USH2A: variants seen among roughly 807,000 people sequenced by gnomAD.
USH2A encodes the protein usherin, also known as Usher syndrome 2A (autosomal recessive, mild).
In USH2A, 443 loss-of-function variants were observed where a neutral mutation model predicts 538.9. The ratio of observed to expected loss-of-function variants is 0.82; its 90% confidence interval spans 0.76 to 0.89. The LOEUF is 0.89. Among genes scored for constraint, USH2A ranks in the 40% least tolerant of loss-of-function variants. The pLI is 0.00. For synonymous variants in USH2A, 2,413 were observed against 2,273.5 expected (o/e 1.06, Z -1.75); for missense variants, 6,633 against 6,324.8 (o/e 1.05, Z -1.65).
chr1:216,210,638 C>T (rs546707171), intron 15 of USH2A, among the ~76,000 whole-genome samples: 1 of 152,208 alleles, frequency 6.6e-6, no homozygotes, highest in Admixed American at 6.5e-5. Flanking sequence ...ATGACAGTCT[C>T]AAATAGTAAC....
At chr1:216,296,188 A>G (rs1384722697) in intron 9 of USH2A, among the ~76,000 whole-genome samples, 1 of 152,110 alleles carries the variant, frequency 6.6e-6, no homozygotes, top group Non-Finnish European at 1.5e-5. Context: ...CACACTGTTT[A>G]TATCAGGTAG....
chr1:216,083,499 A>C lies in USH2A; in HGVS notation c.5255T>G (p.Leu1752Trp), dbSNP rs1469348824. The change falls in exon 26 of 72, where the codon TTG becomes TGG. Residue 1752 changes from leucine to tryptophan, a missense_variant. Leu to Trp is a moderately conservative substitution (Grantham distance 61, BLOSUM62 -2). Coordinates refer to ENST00000307340, the MANE Select transcript of USH2A (RefSeq NM_206933.4). ...FKFRTDQLNG[L>W]LLFVYNKDGP... Reference sequence around the variant, plus strand: ...ATCTTTGTTATAAACGAAAAGAAGCAATCCATTTAATTGGTCAGTTCTGAA... The same window carrying C: ...ATCTTTGTTATAAACGAAAAGAAGCCATCCATTTAATTGGTCAGTTCTGAA... 1 of 1,612,616 alleles carries C rather than the reference A, an allele frequency of 6.2e-7. No individual in the cohort carries two copies. The highest frequency in any genetic ancestry group is 8.5e-7 in the Non-Finnish European group (1 of 1,179,208).
chr1:215,801,424 T>A (rs545648787), intron 49 of USH2A, among the ~76,000 whole-genome samples: 22 of 146,806 alleles, frequency 1.5e-4, no homozygotes, highest in African/African-American at 5.5e-4. Flanking sequence ...TTACAACTAA[T>A]AAACAATTCA....
intron 37 of USH2A, among the ~76,000 whole-genome samples, chr1:215,937,985 A>G (rs1215310137): frequency 6.6e-6 from 1 of 152,134 alleles, no homozygotes; most frequent in East Asian, 1.9e-4. Context: ...GGGGAGATAT[A>G]TAAGTAGCAC....
intron 37 of USH2A, among the ~76,000 whole-genome samples, chr1:215,958,403 T>C (rs1183161236): frequency 6.6e-6 from 1 of 152,168 alleles, no homozygotes; most frequent in Non-Finnish European, 1.5e-5. Flanking sequence ...TAGTTAAAAA[T>C]ACACTTTCAT....
At chr1:215,710,567 A>G (rs1006754775) in intron 61 of USH2A, among the ~76,000 whole-genome samples, 5 of 152,140 alleles carry the variant, frequency 3.3e-5, no homozygotes, top group African/African-American at 1.2e-4. Flanking sequence ...CGCTCTCCTC[A>G]TGGAAAGGAA....
At chr1:216,136,670 G>A (rs1267747846) in intron 21 of USH2A, among the ~76,000 whole-genome samples, 1 of 152,134 alleles carries the variant, frequency 6.6e-6, no homozygotes, top group African/African-American at 2.4e-5. Flanking sequence ...AAATTAAAAT[G>A]AAGTCACAAT....
intron 32 of USH2A, among the ~76,000 whole-genome samples, chr1:216,027,177 A>T (rs1668986540): frequency 6.6e-6 from 1 of 152,176 alleles, no homozygotes; most frequent in Non-Finnish European, 1.5e-5. Context: ...AATTAAGTCA[A>T]AATAAGGCCA....
intron 37 of USH2A, among the ~76,000 whole-genome samples, chr1:215,959,563 TA>T (rs1571847671): frequency 1.3e-5 from 2 of 152,250 alleles, no homozygotes; most frequent in East Asian, 3.9e-4. Context: ...GTTTCAACAT[TA>T]AAAACTGATC....
chr1:215,658,399 T>C (rs996755035), intron 64 of USH2A, among the ~76,000 whole-genome samples: 2 of 152,128 alleles, frequency 1.3e-5, no homozygotes, highest in African/African-American at 4.8e-5. Flanking sequence ...TAATTTTGCA[T>C]TTTTCCTCTC....
At chr1:216,014,463 AT>A (rs1558212546) in intron 32 of USH2A, among the ~76,000 whole-genome samples, 1 of 152,184 alleles carries the variant, frequency 6.6e-6, no homozygotes, top group Non-Finnish European at 1.5e-5. Context: ...ATATGTCTCT[AT>A]AGATGTGATT....
intron 4 of USH2A, among the ~76,000 whole-genome samples, chr1:216,353,388 C>T (rs566078571): frequency 5.9e-5 from 9 of 151,374 alleles, no homozygotes; most frequent in Non-Finnish European, 1.3e-4. Flanking sequence ...ATTAGTGAAA[C>T]AAGATCCAAT....
At chr1:216,145,829 C>A (rs1026773031) in intron 21 of USH2A, among the ~76,000 whole-genome samples, 4 of 151,962 alleles carry the variant, frequency 2.6e-5, no homozygotes, top group Non-Finnish European at 5.9e-5. Flanking sequence ...TCAAAAAGCA[C>A]CCCCACTGAG....
chr1:215,887,873 A>G (rs1665104955), intron 41 of USH2A, among the ~76,000 whole-genome samples: 1 of 152,222 alleles, frequency 6.6e-6, no homozygotes, highest in Admixed American at 6.5e-5. Flanking sequence ...CTGTTTGGTT[A>G]CACTAATTTC....
chr1:215,755,791 G>C (rs1394304819), intron 58 of USH2A, among the ~76,000 whole-genome samples: 3 of 152,184 alleles, frequency 2.0e-5, no homozygotes, highest in Non-Finnish European at 2.9e-5. Context: ...TGAGGTATGT[G>C]AGAGTTAAGG....
In USH2A at chr1:215,840,567, G is replaced by T. The variant is rs545710184; in HGVS notation, c.9259-2464C>A. On this transcript the variant is annotated intron_variant, in intron 46 of 71. Coordinates refer to ENST00000307340, the MANE Select transcript of USH2A (RefSeq NM_206933.4). ...AGAAGAGGAGGCTTTATACCTACTGGCTTGAGTTATTTATACCTGACTCAA... is the reference window on the plus strand; with the variant it reads ...AGAAGAGGAGGCTTTATACCTACTGTCTTGAGTTATTTATACCTGACTCAA... 2.0e-5 allele frequency among the ~76,000 whole-genome samples: 3 copies of T among 152,210 alleles called. No homozygotes were observed. In the South Asian group the frequency reaches 6.2e-4, roughly 32 times the overall value.
At chr1:216,090,951 A>T (rs1197278852) in intron 22 of USH2A, among the ~76,000 whole-genome samples, 2 of 152,154 alleles carry the variant, frequency 1.3e-5, no homozygotes, top group Non-Finnish European at 2.9e-5. Context: ...CAGGTGTCTG[A>T]ATAAGTGGTT....
At chr1:215,736,919 A>T (rs1660170669) in intron 60 of USH2A, among the ~76,000 whole-genome samples, 1 of 152,032 alleles carries the variant, frequency 6.6e-6, no homozygotes. Flanking sequence ...TTTTAAATGC[A>T]TATGGTCTAG....
At chr1:215,962,010 C>T (rs1667213011) in intron 37 of USH2A, among the ~76,000 whole-genome samples, 1 of 151,760 alleles carries the variant, frequency 6.6e-6, no homozygotes, top group Admixed American at 6.6e-5. Flanking sequence ...GCAAAAGATA[C>T]AAATGAAGCA....
Sources: allele counts gnomAD v4.1 joint callset (sites outside exome capture counted in the v4.1 genomes callset), GRCh38; gene constraint gnomAD v4.1.1; transcripts MANE v1.5; gene names NCBI Gene and HGNC (gene_info 2026-07-23, HGNC 2026-07-21).